The following IMPG2 variants were observed in gnomAD, a reference collection of about 807,000 sequenced individuals.
IMPG2 encodes interphotoreceptor matrix proteoglycan 2.
IMPG2 carries 91 observed loss-of-function variants against 129.2 expected under a neutral mutation model. That is an observed-to-expected ratio of 0.70 (90% confidence interval 0.59 to 0.84). The LOEUF (loss-of-function observed/expected upper bound fraction) is 0.84, where lower values mean the gene tolerates loss of function less well. IMPG2 is among the 40% of genes least tolerant of loss of function. The pLI is 0.00. For synonymous variants in IMPG2, 510 were observed against 517.7 expected (o/e 0.99, Z 0.20); for missense variants, 1,430 against 1,461.7 (o/e 0.98, Z 0.35).
intron 8 of IMPG2, 70 bp downstream of exon 8, chr3:101,269,445 A>G: frequency 1.1e-6 from 1 of 873,292 alleles, no homozygotes; most frequent in Non-Finnish European, 2.0e-6. Flanking sequence ...TGTGTGATAA[A>G]TATAATGGAC....
intron 2 of IMPG2, among the ~76,000 whole-genome samples, chr3:101,307,607 T>C (rs1707218541): frequency 6.6e-6 from 1 of 152,142 alleles, no homozygotes; most frequent in Non-Finnish European, 1.5e-5. Flanking sequence ...GAAAACAGCA[T>C]GGGGGAACAA....
chr3:101,240,252 G>C (rs1706392335), intron 14 of IMPG2, among the ~76,000 whole-genome samples: 2 of 151,916 alleles, frequency 1.3e-5, no homozygotes, highest in South Asian at 4.2e-4. Context: ...CAAGTAGCTG[G>C]AACTACAGGC....
chr3:101,264,723 A>G (rs1706704466), intron 9 of IMPG2, among the ~76,000 whole-genome samples: 1 of 152,098 alleles, frequency 6.6e-6, no homozygotes, highest in South Asian at 2.1e-4. Flanking sequence ...AGGAATAAAT[A>G]AAAGACATAC....
chr3:101,229,728 A>G, intron 16 of IMPG2, 138 bp from the exon 17 acceptor site: 1 of 773,696 alleles, frequency 1.3e-6, no homozygotes, highest in Non-Finnish European at 2.2e-6. Context: ...TGTGAAAAAC[A>G]TCTAGATCAA....
chr3:101,308,743 A>C (rs1707231574), intron 2 of IMPG2, among the ~76,000 whole-genome samples: 1 of 152,244 alleles, frequency 6.6e-6, no homozygotes. Context: ...AACCAGCTTG[A>C]ATTTCTTCTC....
intron 11 of IMPG2, among the ~76,000 whole-genome samples, chr3:101,251,962 A>G (rs974608381): frequency 6.6e-6 from 1 of 152,182 alleles, no homozygotes; most frequent in African/African-American, 2.4e-5. Flanking sequence ...CCTTGTTTTC[A>G]TGTCTTATCT....
chr3:101,264,162 G>C (rs999499862), intron 9 of IMPG2, among the ~76,000 whole-genome samples: 1 of 151,844 alleles, frequency 6.6e-6, no homozygotes, highest in Admixed American at 6.6e-5. Context: ...CTTTAAAGAA[G>C]AATGAATACC....
intron 4 of IMPG2, among the ~76,000 whole-genome samples, chr3:101,285,330 G>C (rs796815002): frequency 6.6e-6 from 1 of 152,042 alleles, no homozygotes; most frequent in Non-Finnish European, 1.5e-5. Flanking sequence ...AGACACACAG[G>C]GATCAGTACA....
At chr3:101,310,013 T>C (rs1249364325) in intron 2 of IMPG2, among the ~76,000 whole-genome samples, 1 of 152,134 alleles carries the variant, frequency 6.6e-6, no homozygotes, top group Non-Finnish European at 1.5e-5. Context: ...GGTCACATAC[T>C]AGAATGGGAA....
intron 2 of IMPG2, among the ~76,000 whole-genome samples, chr3:101,306,588 G>A (rs1707191391): frequency 6.6e-6 from 1 of 152,052 alleles, no homozygotes; most frequent in African/African-American, 2.4e-5. Context: ...TGAAAAGTCT[G>A]GGTCAGTAAA....
In IMPG2 at chr3:101,250,209, G is replaced by A. The variant is rs1706529003; in HGVS notation, c.1239+3487C>T. Among the ~76,000 whole-genome samples, 3 of 152,166 alleles carry A rather than the reference G, an allele frequency of 2.0e-5. No homozygotes were observed. The South Asian group carries it at 6.2e-4, about 32-fold the overall frequency. ...TTAGCACCAAATAGACATAAAGCTG[G>A]TTCATATTTCTGCCTAGAGGGTCTA... On this transcript the variant is annotated intron_variant, in intron 11 of 18. Transcript: ENST00000193391.
chr3:101,317,029 T>C (rs1459070545), intron 2 of IMPG2, among the ~76,000 whole-genome samples: 2 of 151,964 alleles, frequency 1.3e-5, no homozygotes, highest in South Asian at 4.1e-4. Flanking sequence ...TGCAAACTAA[T>C]ACATAGCGAT....
intron 14 of IMPG2, among the ~76,000 whole-genome samples, chr3:101,238,785 T>C (rs1706374828): frequency 6.6e-6 from 1 of 152,110 alleles, no homozygotes; most frequent in Non-Finnish European, 1.5e-5. Flanking sequence ...ATAAAGAACA[T>C]TGACACTATA....
chr3:101,253,856 G>T, intron 10 of IMPG2, 75 bp from the exon 11 acceptor site: 1 of 998,854 alleles, frequency 1.0e-6, no homozygotes, highest in Non-Finnish European at 1.5e-6. Flanking sequence ...ACAACTGAAA[G>T]TCAAGTTCTT....
intron 11 of IMPG2, among the ~76,000 whole-genome samples, chr3:101,247,015 G>A (rs1169745498): frequency 6.6e-6 from 1 of 151,744 alleles, no homozygotes; most frequent in African/African-American, 2.4e-5. Context: ...AGGATCACTT[G>A]ATCCTGAAAG....
Position 101,224,086 on chromosome 3 carries a change from C to G in IMPG2, c.*2883G>C, listed in dbSNP as rs945915431. ...CTTGAACCCAGGAGGCAGAGGTTGC[C>G]AGGAGCTGAGATCGCCCCATTGCAC... is the stretch of plus-strand genomic sequence containing the variant. On this transcript the variant is annotated 3_prime_UTR_variant, in exon 19 of 19. Coordinates refer to ENST00000193391, the MANE Select transcript of IMPG2 (RefSeq NM_016247.4). 5.9e-5 allele frequency: 9 copies of G among 152,144 alleles called. No homozygotes were observed. Among genetic ancestry groups the G allele is most frequent in the Admixed American group, 1.3e-4 (2 of 15,270 alleles). The allele number at this position is 152,144 out of a possible 1,614,324, so 9.4% of individuals were successfully genotyped here.
chr3:101,255,369 T>C (rs1451519606), intron 10 of IMPG2, among the ~76,000 whole-genome samples: 1 of 152,148 alleles, frequency 6.6e-6, no homozygotes, highest in Non-Finnish European at 1.5e-5. Flanking sequence ...TTACAAATTC[T>C]AAGAAAGTTG....
intron 2 of IMPG2, among the ~76,000 whole-genome samples, chr3:101,307,838 C>T (rs1285488659): frequency 6.6e-6 from 1 of 152,112 alleles, no homozygotes; most frequent in Non-Finnish European, 1.5e-5. Context: ...ACCAAAAGTC[C>T]AAGTCCAAAG....
rs1706190226 is a variant in IMPG2 at position 101,223,803 on chromosome 3, G to A, written c.*3166C>T. On this transcript the variant is annotated 3_prime_UTR_variant, in exon 19 of 19. Coordinates refer to ENST00000193391, the MANE Select transcript of IMPG2 (RefSeq NM_016247.4). ...ATAATGCAGAAGAAGAAAACAGAAG[G>A]TGAGAATAAAATCAGGTAAAGCCTG... 1.3e-5 allele frequency: 2 copies of A among 152,148 alleles called. No individual in the cohort carries two copies. The highest frequency in any genetic ancestry group is 2.9e-5 in the Non-Finnish European group (2 of 68,016). 9.4% of individuals were successfully genotyped at this position (152,148 alleles called of 1,614,324 possible). A position where few individuals can be genotyped will look rare whatever the true frequency, so the allele number is the denominator to read the frequency against.
Sources: allele counts gnomAD v4.1 joint callset (sites outside exome capture counted in the v4.1 genomes callset), GRCh38; gene constraint gnomAD v4.1.1; transcripts MANE v1.5; gene names NCBI Gene and HGNC (gene_info 2026-07-23, HGNC 2026-07-21).